Variants in CCDC171 observed in about 807,000 individuals in gnomAD.
The protein encoded by CCDC171 is coiled-coil domain containing 171.
A neutral mutation model predicts 168.2 loss-of-function variants in CCDC171; 177 were observed. The ratio of observed to expected loss-of-function variants is 1.05; its 90% CI spans 0.93 to 1.19. The LOEUF is 1.19. Ranked by LOEUF, CCDC171 falls within the 50% of genes most tolerant of loss-of-function variation. The probability of loss-of-function intolerance (pLI) is 0.00; values close to 1 mark genes in which losing one functional copy is unlikely to be tolerated. For synonymous variants in CCDC171, 687 were observed against 540.8 expected (o/e 1.27, Z -3.75); for missense variants, 1,991 against 1,539.0 (o/e 1.29, Z -4.91).
chr9:15,725,282 C>T (rs1022802453), intron 14 of CCDC171, among the ~76,000 whole-genome samples: 2 of 151,994 alleles, frequency 1.3e-5, no homozygotes, highest in African/African-American at 4.8e-5. Context: ...TCCTGTTTGC[C>T]AATGACAAAA....
chr9:16,095,528 C>G, the CCDC171 span, among the ~76,000 whole-genome samples: 1 of 152,040 alleles, frequency 6.6e-6, no homozygotes, highest in African/African-American at 2.4e-5. Flanking sequence ...CTCTCTCACA[C>G]ACACGCTCTC....
intron 18 of CCDC171, among the ~76,000 whole-genome samples, chr9:15,752,757 A>G (rs1389090417): frequency 1.3e-5 from 2 of 152,012 alleles, no homozygotes; most frequent in African/African-American, 2.4e-5. Context: ...GTGGGCTGGG[A>G]GAGGGATAGC....
At chr9:15,909,170 A>G (rs924042650) in intron 24 of CCDC171, among the ~76,000 whole-genome samples, 10 of 152,196 alleles carry the variant, frequency 6.6e-5, no homozygotes, top group Admixed American at 5.2e-4. Flanking sequence ...TTTTAGGGCT[A>G]TTAATAAAGC....
intron 19 of CCDC171, among the ~76,000 whole-genome samples, chr9:15,778,559 T>A (rs1313530719): frequency 6.9e-6 from 1 of 143,996 alleles, no homozygotes; most frequent in Non-Finnish European, 1.5e-5. Context: ...GGCATGAGAA[T>A]CGCTTGAACT....
chr9:16,040,518 GTC>G (rs1833555903), upstream of CCDC171, among the ~76,000 whole-genome samples: 2 of 152,186 alleles, frequency 1.3e-5, no homozygotes, highest in Admixed American at 1.3e-4. Flanking sequence ...TAGGTGACCT[GTC>G]AGGTTTTGTT....
chr9:15,741,416 C>T (rs1198081051), intron 16 of CCDC171, among the ~76,000 whole-genome samples: 2 of 152,162 alleles, frequency 1.3e-5, no homozygotes, highest in Admixed American at 1.3e-4. Flanking sequence ...GTTTCTTTCT[C>T]TTAGCGTAAT....
intron 9 of CCDC171, among the ~76,000 whole-genome samples, chr9:15,666,721 A>G (rs2048762827): frequency 6.6e-6 from 1 of 152,176 alleles, no homozygotes; most frequent in Admixed American, 6.5e-5. Flanking sequence ...GCTACTCGAG[A>G]GGCTGAGGTG....
intron 14 of CCDC171, 134 bp downstream of exon 14, chr9:15,725,110 G>C: frequency 1.5e-6 from 1 of 650,556 alleles, no homozygotes; most frequent in Non-Finnish European, 2.7e-6. Context: ...GTTTGTGACA[G>C]CTACAAAATC....
At chr9:15,885,959 T>A (rs915480477) in intron 24 of CCDC171, 2 of 152,196 alleles carry the variant, frequency 1.3e-5, no homozygotes, top group African/African-American at 4.8e-5. Context: ...TGTATTTGAA[T>A]TGAAGAAGAG....
intron 6 of CCDC171, among the ~76,000 whole-genome samples, chr9:15,599,301 C>G (rs1175868580): frequency 6.6e-6 from 1 of 152,102 alleles, no homozygotes; most frequent in Non-Finnish European, 1.5e-5. Flanking sequence ...TGTTCCTTTC[C>G]ATGTTTAGTG....
At chr9:15,792,815 T>A (rs537904742) in intron 21 of CCDC171, among the ~76,000 whole-genome samples, 2 of 152,110 alleles carry the variant, frequency 1.3e-5, no homozygotes, top group Non-Finnish European at 2.9e-5. Flanking sequence ...CAAGAGCTCC[T>A]GAAGGAAGCA....
intron 25 of CCDC171, among the ~76,000 whole-genome samples, chr9:15,947,911 G>C (rs1310244500): frequency 6.6e-6 from 1 of 151,526 alleles, no homozygotes. Context: ...TGCCATGCTG[G>C]TGCGCTGCAC....
intron 8 of CCDC171, among the ~76,000 whole-genome samples, chr9:15,662,777 A>C (rs1033291722): frequency 1.3e-5 from 2 of 152,004 alleles, no homozygotes; most frequent in Non-Finnish European, 1.5e-5. Flanking sequence ...GGAGTTCGGG[A>C]CCAGCCTGGC....
At chr9:16,076,894 C>T in the CCDC171 span, among the ~76,000 whole-genome samples, 1 of 152,104 alleles carries the variant, frequency 6.6e-6, no homozygotes, top group Non-Finnish European at 1.5e-5. Flanking sequence ...TTCTTTTTCT[C>T]CTGTGTTGTT....
At chr9:15,689,241 A>G (rs1003966535) in intron 10 of CCDC171, among the ~76,000 whole-genome samples, 3 of 152,192 alleles carry the variant, frequency 2.0e-5, no homozygotes, top group Admixed American at 1.3e-4. Context: ...AAAATATCTC[A>G]TGTTCATGTA....
chr9:16,004,364 C>G (rs1397965230), intron 3 of CCDC171, among the ~76,000 whole-genome samples: 2 of 152,134 alleles, frequency 1.3e-5, no homozygotes, highest in Non-Finnish European at 2.9e-5. Flanking sequence ...TTTTGACTTA[C>G]ATGCTCTTGA....
At chr9:15,884,730 C>T (rs895379921) in intron 24 of CCDC171, among the ~76,000 whole-genome samples, 5 of 152,044 alleles carry the variant, frequency 3.3e-5, no homozygotes, top group African/African-American at 1.2e-4. Context: ...GTGACAGTGA[C>T]GCCAGTCTTG....
At chr9:16,006,945 C>T (rs1832716545) in intron 3 of CCDC171, among the ~76,000 whole-genome samples, 1 of 152,056 alleles carries the variant, frequency 6.6e-6, no homozygotes. Context: ...GGGTATATAC[C>T]CAGTAATGGG....
chr9:15,937,996 C>G (rs893301877), intron 25 of CCDC171, among the ~76,000 whole-genome samples: 61 of 151,812 alleles, frequency 4.0e-4, no homozygotes, highest in African/African-American at 1.4e-3. Context: ...GCAACTGATT[C>G]AAAATAGAGA....
Sources: allele counts gnomAD v4.1 joint callset (sites outside exome capture counted in the v4.1 genomes callset), GRCh38; gene constraint gnomAD v4.1.1; transcripts MANE v1.5; gene names NCBI Gene and HGNC (gene_info 2026-07-23, HGNC 2026-07-21).